WRNIP1: variants seen among roughly 807,000 people sequenced by gnomAD.
WRNIP1 encodes the protein WRN helicase interacting protein 1.
In WRNIP1, 41 loss-of-function variants were observed where a neutral mutation model predicts 56.1. The ratio of observed to expected loss-of-function variants is 0.73; its 90% confidence interval spans 0.57 to 0.95. The LOEUF (loss-of-function observed/expected upper bound fraction) is 0.95. WRNIP1 is among the 40% of genes least tolerant of loss of function. The probability of loss-of-function intolerance (pLI) is 0.00; values close to 1 mark genes in which losing one functional copy is unlikely to be tolerated. For synonymous variants in WRNIP1, 547 were observed against 398.1 expected, an observed-to-expected ratio of 1.37 and a Z score of -4.45; for missense variants, 1,170 against 939.4, an observed-to-expected ratio of 1.25 and a Z score of -3.21.
At chr6:2,766,507 C>G (rs929172801) in intron 1 of WRNIP1, 63 bp downstream of exon 1, 1 of 1,436,328 alleles carries the variant, frequency 7.0e-7, no homozygotes, top group Non-Finnish European at 9.2e-7. Context: ...AGCTGATGGT[C>G]GGAGAGCCGG....
At chr6:2,769,537 A>C (rs1002252381) in intron 2 of WRNIP1, among the ~76,000 whole-genome samples, 1 of 152,196 alleles carries the variant, frequency 6.6e-6, no homozygotes, top group South Asian at 2.1e-4. Context: ...CATACATAGA[A>C]TATTTCACAA....
rs1360727791 is a variant in WRNIP1, at chr6:2,770,355, G to T, written c.1250G>T (p.Ser417Ile). The T allele has an allele frequency of 3.1e-6, 5 of 1,614,024 alleles. No individual in the cohort carries two copies. Among genetic ancestry groups the T allele is most frequent in the Non-Finnish European group, 4.2e-6 (5 of 1,180,028 alleles). Reference sequence around the variant, plus strand: ...CCTCTGAGCCACAGCAGCAACAGCAGCTCAGAGTAAGTTGACAGTGTGCAG... The same window carrying T: ...CCTCTGAGCCACAGCAGCAACAGCATCTCAGAGTAAGTTGACAGTGTGCAG... ...TDPLSHSSNS[S>I]SEPAMFIEDK... The change falls in exon 3 of 7, where the codon AGC becomes ATC. Residue 417 changes from serine (S) to isoleucine (I), a missense_variant. Physicochemically the swap from Ser to Ile is moderately radical, Grantham distance 142. Coordinates refer to ENST00000380773, the MANE Select transcript of WRNIP1 (RefSeq NM_020135.3).
At chr6:2,768,631 G>C in intron 1 of WRNIP1, 60 bp from the exon 2 acceptor site, 1 of 1,414,234 alleles carries the variant, frequency 7.1e-7, no homozygotes, top group South Asian at 1.5e-5. Context: ...GGTTCCCATG[G>C]GTGCTGGTCT....
In WRNIP1 at chr6:2,784,371, G is replaced by A; in HGVS notation, c.1690G>A (p.Gly564Ser). Residue 564 changes from glycine (G) to serine (S), a missense_variant, in exon 6 of 7, where the codon GGC (glycine) becomes AGC (serine). By Grantham distance (56) the Gly-to-Ser change is moderately conservative. Coordinates refer to ENST00000380773, the MANE Select transcript of WRNIP1 (RefSeq NM_020135.3). ...ALTQAVAAYQ[G>S]CHFIGMPECE... ...AACACAAGCGGTTGCTGCCTACCAA[G>A]GCTGTCATTTTATAGGCATGCCTGA... The A allele has an allele frequency of 2.5e-6, 4 of 1,614,132 alleles. No individual in the cohort carries two copies. The highest frequency in any genetic ancestry group is 3.4e-6 in the Non-Finnish European group (4 of 1,179,974).
Position 2,766,571 on chromosome 6 carries a change from C to T in WRNIP1, c.822+127C>T, listed in dbSNP as rs559730854. 6.7e-4 allele frequency: 928 copies of T among 1,388,038 alleles called. 5 individuals are homozygous for T. The African/African-American group carries it at 0.011, about 17-fold the overall frequency. 86.0% of individuals were successfully genotyped at this position (1,388,038 alleles called of 1,614,324 possible). On this transcript the variant is annotated intron_variant, in intron 1 of 6. Transcript: ENST00000380773. ...CCTCTCCTGGATAAGGGGGTGCAGA[C>T]TTGGGCTGGGCTGGGGCAGTGCCTG...
At chr6:2,769,908 C>T (rs769144867) in intron 2 of WRNIP1, among the ~76,000 whole-genome samples, 2 of 152,148 alleles carry the variant, frequency 1.3e-5, no homozygotes, top group Non-Finnish European at 2.9e-5. Flanking sequence ...CAGGCTTGGA[C>T]GGGCATTCCA....
intron 4 of WRNIP1, among the ~76,000 whole-genome samples, chr6:2,782,526 A>G (rs1387397405): frequency 6.6e-6 from 1 of 152,218 alleles, no homozygotes; most frequent in African/African-American, 2.4e-5. Context: ...GCTTATGCTG[A>G]GCACAGACCA....
intron 3 of WRNIP1, among the ~76,000 whole-genome samples, chr6:2,775,966 G>A (rs1401606163): frequency 2.0e-5 from 3 of 151,984 alleles, no homozygotes; most frequent in Non-Finnish European, 4.4e-5. Flanking sequence ...TTCTACCTTT[G>A]GAAGGTTATT....
At chr6:2,770,819 AAATC>A (rs1392412374) in intron 3 of WRNIP1, among the ~76,000 whole-genome samples, 1 of 152,216 alleles carries the variant, frequency 6.6e-6, no homozygotes, top group Non-Finnish European at 1.5e-5. Flanking sequence ...TAAAAAAAAA[AAATC>A]AAGTAAAAAT....
At chr6:2,783,653 T>TTTTTGA in intron 5 of WRNIP1, 92 bp downstream of exon 5, 8 of 120,102 alleles carry the variant, frequency 6.7e-5, no homozygotes, top group African/African-American at 9.0e-5. Flanking sequence ...TTTTTTTTTT[T>TTTTTGA]GCAGGGCGGG....
chr6:2,782,184 G>T (rs1765577342), intron 4 of WRNIP1, among the ~76,000 whole-genome samples: 1 of 152,250 alleles, frequency 6.6e-6, no homozygotes, highest in African/African-American at 2.4e-5. Context: ...GCCTGGGCCA[G>T]CAGGGTGAGG....
At chr6:2,784,192 G>C (rs547940500) in intron 5 of WRNIP1, 132 bp from the exon 6 acceptor site, 1 of 693,540 alleles carries the variant, frequency 1.4e-6, no homozygotes, top group East Asian at 2.8e-5. Flanking sequence ...AGCTAAGTCA[G>C]GCTGTTTTGC....
intron 4 of WRNIP1, among the ~76,000 whole-genome samples, chr6:2,781,297 G>C (rs1029300331): frequency 2.6e-5 from 4 of 152,228 alleles, no homozygotes; most frequent in Admixed American, 1.3e-4. Flanking sequence ...CCGCTGCCTA[G>C]TGCCAGCGCC....
In WRNIP1 at chr6:2,786,361, T is replaced by A. The variant is rs1283420550; in HGVS notation, c.*1079T>A. 1.3e-5 allele frequency: 2 copies of A among 152,264 alleles called. No homozygotes were observed. The highest frequency in any genetic ancestry group is 2.1e-4 in the South Asian group (1 of 4,834). 9.4% of individuals were successfully genotyped at this position (152,264 alleles called of 1,614,324 possible). On this transcript the variant is annotated 3_prime_UTR_variant, in exon 7 of 7. Transcript: ENST00000380773. ...TCAGTGCAACCCATCCTCTAGTAGT[T>A]TTATCAGGCTGGAGGGACTGTATGT...
chr6:2,783,254 A>G (rs1027604260), intron 4 of WRNIP1, 152 bp from the exon 5 acceptor site: 6 of 725,824 alleles, frequency 8.3e-6, no homozygotes, highest in African/African-American at 1.8e-5. Flanking sequence ...CACCCCACTC[A>G]GAGCACGGTT....
At position 2,779,373 on chromosome 6, in the gene WRNIP1, G is replaced by A. The variant is rs139558660; in HGVS notation, c.1367G>A (p.Ser456Asn). 2,598 of 1,614,216 alleles carry A rather than the reference G, an allele frequency of 1.6e-3. 4 individuals carry two copies. Among genetic ancestry groups the A allele is most frequent in the Middle Eastern group, 2.5e-3 (15 of 6,062 alleles). Residue 456 changes from serine (S) to asparagine (N), a missense_variant, in exon 4 of 7, where the codon AGC (serine) becomes AAC (asparagine). Transcript: ENST00000380773. ...CAGCTGGCGGTGCTGGCTAGGTTAA[G>A]CTCTAGGAAGATGTTCTGTAAGAAG... ...GLQLAVLARL[S>N]SRKMFCKKSG...
At chr6:2,778,671 C>A (rs373726800) in intron 3 of WRNIP1, among the ~76,000 whole-genome samples, 1 of 152,164 alleles carries the variant, frequency 6.6e-6, no homozygotes, top group African/African-American at 2.4e-5. Context: ...TCCCAAGATT[C>A]CCCAGGCCAA....
At chr6:2,781,303 G>A (rs1277221862) in intron 4 of WRNIP1, among the ~76,000 whole-genome samples, 3 of 152,242 alleles carry the variant, frequency 2.0e-5, no homozygotes, top group African/African-American at 7.2e-5. Context: ...CCTAGTGCCA[G>A]CGCCTTAAGA....
At chr6:2,780,757 T>C (rs1422205113) in intron 4 of WRNIP1, among the ~76,000 whole-genome samples, 1 of 152,184 alleles carries the variant, frequency 6.6e-6, no homozygotes, top group African/African-American at 2.4e-5. Flanking sequence ...CCATTGTTTC[T>C]GAAGTGCAGC....
Sources: allele counts gnomAD v4.1 joint callset (sites outside exome capture counted in the v4.1 genomes callset), GRCh38; gene constraint gnomAD v4.1.1; transcripts MANE v1.5; gene names NCBI Gene and HGNC (gene_info 2026-07-23, HGNC 2026-07-21).